ZNF79: variants seen among roughly 807,000 people sequenced by gnomAD.
The protein encoded by ZNF79 is zinc finger protein 79.
A neutral mutation model predicts 14.9 loss-of-function variants in ZNF79; 13 were observed. The ratio of observed to expected loss-of-function variants is 0.87; its 90% CI spans 0.57 to 1.38. The LOEUF (loss-of-function observed/expected upper bound fraction) is 1.38, where lower values mean the gene tolerates loss of function less well. ZNF79 is among the 40% of genes most tolerant of loss of function. The pLI, the probability that ZNF79 is intolerant of heterozygous loss-of-function variation, is 0.00. For synonymous variants in ZNF79, 223 were observed against 235.1 expected (o/e 0.95, Z 0.47); for missense variants, 631 against 630.6 (o/e 1.00, Z -0.01).
At chr9:127,438,290 G>A (rs1032944719) in intron 4 of ZNF79, among the ~76,000 whole-genome samples, 1 of 152,268 alleles carries the variant, frequency 6.6e-6, no homozygotes, top group Admixed American at 6.5e-5. Flanking sequence ...TTCAGATTGG[G>A]GTTCCCACGA....
In ZNF79 at chr9:127,424,640, G is replaced by A. The variant is rs1833715924; in HGVS notation, c.-148G>A. The A allele has an allele frequency of 1.6e-6, 2 of 1,265,636 alleles. No homozygotes were observed. The highest frequency in any genetic ancestry group is 5.0e-5 in the East Asian group (2 of 39,924). The allele number at this position is 1,265,636 out of a possible 1,614,324, so 78.4% of individuals were successfully genotyped here. A position where few individuals can be genotyped will look rare whatever the true frequency, so the allele number is the denominator to read the frequency against. On this transcript the variant is annotated 5_prime_UTR_variant, in exon 1 of 5. Coordinates refer to ENST00000342483, the MANE Select transcript of ZNF79 (RefSeq NM_007135.3). ...CCCGCGACCCAGCACCGCAGGATCAGACCGTGCCTCTGCGGGGAGAGGCTG... is the reference window on the plus strand; with the variant it reads ...CCCGCGACCCAGCACCGCAGGATCAAACCGTGCCTCTGCGGGGAGAGGCTG...
chr9:127,434,700 G>A (rs1833915429), intron 2 of ZNF79, among the ~76,000 whole-genome samples: 2 of 152,208 alleles, frequency 1.3e-5, no homozygotes, highest in African/African-American at 4.8e-5. Context: ...ACAGGCTGGA[G>A]TGCAGTGGCG....
chr9:127,430,551 C>T (rs1001361136), intron 2 of ZNF79, among the ~76,000 whole-genome samples: 1 of 152,210 alleles, frequency 6.6e-6, no homozygotes, highest in Non-Finnish European at 1.5e-5. Flanking sequence ...CATTAATTCA[C>T]TTAAGATAAT....
chr9:127,425,169 C>T (rs1296690764), intron 1 of ZNF79, among the ~76,000 whole-genome samples: 1 of 152,144 alleles, frequency 6.6e-6, no homozygotes, highest in Non-Finnish European at 1.5e-5. Flanking sequence ...CTTCTCGAAG[C>T]AGCCAGGAAT....
intron 1 of ZNF79, among the ~76,000 whole-genome samples, chr9:127,427,111 T>G (rs981419829): frequency 2.0e-5 from 3 of 151,912 alleles, no homozygotes; most frequent in African/African-American, 7.3e-5. Context: ...TGTTCAAATC[T>G]TTTGCCCATT....
At chr9:127,427,058 A>G (rs966633616) in intron 1 of ZNF79, among the ~76,000 whole-genome samples, 1 of 152,000 alleles carries the variant, frequency 6.6e-6, no homozygotes, top group Admixed American at 6.6e-5. Flanking sequence ...GTTCAGTTTC[A>G]TGTAGGGAGT....
chr9:127,426,204 C>CTATTTA (rs754552767), intron 1 of ZNF79, among the ~76,000 whole-genome samples: 9 of 152,274 alleles, frequency 5.9e-5, no homozygotes, highest in Non-Finnish European at 1.3e-4. Flanking sequence ...GCAACCATCA[C>CTATTTA]TATTTAATTC....
At position 127,424,397 on chromosome 9, in the gene ZNF79, T is replaced by A. The variant is rs571930533; in HGVS notation, c.-391T>A. The A allele has an allele frequency of 2.5e-4, 50 of 201,666 alleles. 2 individuals are homozygous for A. The South Asian group carries it at 4.4e-3, about 18-fold the overall frequency. The allele number at this position is 201,666 out of a possible 1,614,324, so 12.5% of individuals were successfully genotyped here. A position where few individuals can be genotyped will look rare whatever the true frequency, so the allele number is the denominator to read the frequency against. On this transcript the variant is annotated 5_prime_UTR_variant, in exon 1 of 5. Transcript: ENST00000342483. ...AAGTGGCGCCAATCAGGCGCGTCCC[T>A]CTGGCGCTGGAGCCAGGACCTGGCG...
intron 4 of ZNF79, among the ~76,000 whole-genome samples, chr9:127,439,465 C>T (rs1228194546): frequency 6.6e-6 from 1 of 152,178 alleles, no homozygotes; most frequent in Non-Finnish European, 1.5e-5. Context: ...CAAGTTTCCA[C>T]TCTAGCTATT....
At chr9:127,433,584 G>T (rs923006463) in intron 2 of ZNF79, among the ~76,000 whole-genome samples, 2 of 152,106 alleles carry the variant, frequency 1.3e-5, no homozygotes, top group Admixed American at 6.5e-5. Flanking sequence ...AGTAGGTGCC[G>T]CTTTGTTACA....
intron 1 of ZNF79, among the ~76,000 whole-genome samples, chr9:127,425,853 A>T (rs1833744346): frequency 6.6e-6 from 1 of 152,220 alleles, no homozygotes; most frequent in Non-Finnish European, 1.5e-5. Context: ...TCGGCATCCC[A>T]AAGTGCTGGG....
chr9:127,433,370 G>C (rs898600818), intron 2 of ZNF79, among the ~76,000 whole-genome samples: 3 of 152,182 alleles, frequency 2.0e-5, no homozygotes, highest in Non-Finnish European at 4.4e-5. Context: ...CCCATTCCCT[G>C]AGCTGGGAAC....
chr9:127,439,967 A>G (rs1393721250), intron 4 of ZNF79, among the ~76,000 whole-genome samples: 1 of 152,024 alleles, frequency 6.6e-6, no homozygotes, highest in African/African-American at 2.4e-5. Flanking sequence ...GGTTCATGCC[A>G]TTCTCCTGCC....
rs1463612916 is a variant in ZNF79, at chr9:127,444,618, A to G, written c.918A>G (p.Glu306=). The part of the protein sequence containing the change: ...QRIHTGEKPY[E]CSDCGKAFRH... ...TTCATACCGGAGAGAAGCCCTACGA[A>G]TGCAGCGACTGTGGGAAGGCCTTCC... The change falls in exon 5 of 5, where the codon GAA becomes GAG. Residue 306 remains glutamate, a synonymous_variant. Coordinates refer to ENST00000342483, the MANE Select transcript of ZNF79 (RefSeq NM_007135.3). 6.2e-7 allele frequency: 1 copy of G among 1,613,568 alleles called. No individual in the cohort carries two copies. The highest frequency in any genetic ancestry group is 1.3e-5 in the African/African-American group (1 of 74,718).
In ZNF79 at chr9:127,445,135, G is replaced by A; in HGVS notation, c.1435G>A (p.Gly479Arg). Residue 479 changes from glycine (G) to arginine (R), a missense_variant, in exon 5 of 5, where the codon GGG becomes AGG. Physicochemically the swap from Gly to Arg is moderately radical, Grantham distance 125. Transcript: ENST00000342483. The stretch of plus-strand genomic sequence containing the variant: ...GAAACCCTACGAATGCAGCGAGTGT[G>A]GGAAGGCCTTCCGGTGCAGCTCTGC... ...GVKPYECSEC[G>R]KAFRCSSAFV... 6.2e-7 allele frequency: 1 copy of A among 1,614,234 alleles called. No individual in the cohort carries two copies. Among genetic ancestry groups the A allele is most frequent in the Non-Finnish European group, 8.5e-7 (1 of 1,180,042 alleles).
At chr9:127,442,974 T>G (rs1257834684) in intron 4 of ZNF79, among the ~76,000 whole-genome samples, 2 of 152,146 alleles carry the variant, frequency 1.3e-5, no homozygotes, top group Non-Finnish European at 2.9e-5. Flanking sequence ...TATCACTGTC[T>G]CCACCTCCAC....
intron 4 of ZNF79, among the ~76,000 whole-genome samples, chr9:127,439,207 C>T (rs754830039): frequency 9.4e-4 from 27 of 28,588 alleles, no homozygotes; most frequent in Non-Finnish European, 1.4e-3. Context: ...ACACACACAA[C>T]GCGCACACAC....
intron 3 of ZNF79, 64 bp from the exon 4 acceptor site, chr9:127,435,844 G>A: frequency 7.4e-7 from 1 of 1,353,144 alleles, no homozygotes; most frequent in African/African-American, 1.4e-5. Flanking sequence ...GCTCTCTCCT[G>A]AGTTCTGGGT....
At chr9:127,430,322 A>AT (rs2131945846) in intron 2 of ZNF79, among the ~76,000 whole-genome samples, 1 of 152,060 alleles carries the variant, frequency 6.6e-6, no homozygotes, top group African/African-American at 2.4e-5. Context: ...AAATGGTTGT[A>AT]TTATATGATG....
Sources: allele counts gnomAD v4.1 joint callset (sites outside exome capture counted in the v4.1 genomes callset), GRCh38; gene constraint gnomAD v4.1.1; transcripts MANE v1.5; gene names NCBI Gene and HGNC (gene_info 2026-07-23, HGNC 2026-07-21).